The following SSBP2 variants were observed in gnomAD, a reference collection of about 807,000 sequenced individuals.
The protein encoded by SSBP2 is single stranded DNA binding protein 2, also known as single-stranded DNA-binding protein 2.
In SSBP2, 17 loss-of-function variants were observed where a neutral mutation model predicts 61.8. The ratio of observed to expected loss-of-function variants is 0.28; its 90% CI spans 0.19 to 0.41. The LOEUF (loss-of-function observed/expected upper bound fraction) is 0.41. Among genes scored for constraint, SSBP2 ranks in the 10% least tolerant of loss-of-function variants. The pLI is 1.00. For missense variants in SSBP2, 310 were observed against 458.7 expected, an observed-to-expected ratio of 0.68 and a Z score of 2.96; for synonymous variants, 139 against 141.3, an observed-to-expected ratio of 0.98 and a Z score of 0.12.
intron 8 of SSBP2, among the ~76,000 whole-genome samples, chr5:81,470,852 C>A (rs1288201357): frequency 6.6e-6 from 1 of 151,826 alleles, no homozygotes; most frequent in African/African-American, 2.4e-5. Flanking sequence ...TAACCATTAT[C>A]ACAAATTTCA....
At chr5:81,539,591 T>A (rs1166158173) in intron 4 of SSBP2, among the ~76,000 whole-genome samples, 1 of 152,122 alleles carries the variant, frequency 6.6e-6, no homozygotes, top group Non-Finnish European at 1.5e-5. Flanking sequence ...GCAAACTTCA[T>A]TGTTGTCTTA....
At chr5:81,576,483 A>T (rs1210285309) in intron 4 of SSBP2, among the ~76,000 whole-genome samples, 1 of 152,078 alleles carries the variant, frequency 6.6e-6, no homozygotes, top group Non-Finnish European at 1.5e-5. Flanking sequence ...ACCAAAGCAC[A>T]GAGAGGTTCA....
At chr5:81,650,855 G>A (rs979693355) in intron 1 of SSBP2, among the ~76,000 whole-genome samples, 4 of 152,036 alleles carry the variant, frequency 2.6e-5, no homozygotes, top group African/African-American at 9.7e-5. Context: ...AGATTTGATT[G>A]TTAAGCCAAT....
intron 1 of SSBP2, among the ~76,000 whole-genome samples, chr5:81,689,422 A>G (rs992562591): frequency 6.6e-6 from 1 of 152,140 alleles, no homozygotes; most frequent in Admixed American, 6.5e-5. Context: ...AAGGCATCTA[A>G]TAATCAATTC....
intron 4 of SSBP2, among the ~76,000 whole-genome samples, chr5:81,600,149 A>G (rs964052749): frequency 1.3e-4 from 20 of 152,224 alleles, no homozygotes; most frequent in Non-Finnish European, 5.9e-5. Context: ...TGTAGATTAA[A>G]TGCTAGAAAT....
At chr5:81,545,198 T>C (rs532929478) in intron 4 of SSBP2, among the ~76,000 whole-genome samples, 2 of 152,346 alleles carry the variant, frequency 1.3e-5, no homozygotes, top group East Asian at 3.9e-4. Context: ...GACATAACTA[T>C]ATATGTATGC....
intron 4 of SSBP2, among the ~76,000 whole-genome samples, chr5:81,614,220 C>T (rs904045047): frequency 6.6e-6 from 1 of 152,024 alleles, no homozygotes; most frequent in Non-Finnish European, 1.5e-5. Flanking sequence ...ATTAGCTGGG[C>T]GTGTTGGCGG....
Position 81,470,339 on chromosome 5 carries a change from T to C in SSBP2, c.571-3298A>G, listed in dbSNP as rs186511611. Among the ~76,000 whole-genome samples, 456 of 151,930 alleles carry C rather than the reference T, an allele frequency of 3.0e-3. 1 individual carries two copies. Among genetic ancestry groups the C allele is most frequent in the African/African-American group, 9.5e-3 (395 of 41,518 alleles). Reference sequence around the variant, plus strand: ...AAGATATTTTTCTTGATTAAATAGGTAGTTTTGTTTTTTTATTGAAAGGAT... The same window carrying C: ...AAGATATTTTTCTTGATTAAATAGGCAGTTTTGTTTTTTTATTGAAAGGAT... On this transcript the variant is annotated intron_variant, in intron 8 of 16. Transcript: ENST00000320672.
chr5:81,682,563 C>T (rs998182070), intron 1 of SSBP2, among the ~76,000 whole-genome samples: 3 of 152,100 alleles, frequency 2.0e-5, no homozygotes, highest in African/African-American at 7.2e-5. Context: ...CTACAGATAA[C>T]ATATTTAACG....
chr5:81,719,665 T>G (rs1755414934), intron 1 of SSBP2, among the ~76,000 whole-genome samples: 1 of 152,078 alleles, frequency 6.6e-6, no homozygotes, highest in Non-Finnish European at 1.5e-5. Context: ...CTCGCAGTTC[T>G]AGGAGGAGGA....
intron 12 of SSBP2, 132 bp downstream of exon 12, chr5:81,446,736 A>T: frequency 1.2e-6 from 1 of 803,176 alleles, no homozygotes; most frequent in Non-Finnish European, 1.9e-6. Flanking sequence ...ATTTCTTCCT[A>T]CCATGCTGCC....
At position 81,746,235 on chromosome 5, in the gene SSBP2, G is replaced by A. The variant is rs546586146; in HGVS notation, c.62+4746C>T. 3.3e-5 allele frequency among the ~76,000 whole-genome samples: 5 copies of A among 151,950 alleles called. No individual in the cohort carries two copies. The South Asian group carries it at 1.0e-3, about 31-fold the overall frequency. On this transcript the variant is annotated intron_variant, in intron 1 of 16. Coordinates refer to ENST00000320672, the MANE Select transcript of SSBP2 (RefSeq NM_012446.5). ...AAATAGGGGTTTTTTTGATACTTCT[G>A]AAATAACAGAAAAAGATCAATCAAA...
intron 4 of SSBP2, among the ~76,000 whole-genome samples, chr5:81,592,093 AG>A (rs1201822739): frequency 6.6e-6 from 1 of 152,220 alleles, no homozygotes; most frequent in Non-Finnish European, 1.5e-5. Flanking sequence ...AGTCAAAGAA[AG>A]GGGTGACAGA....
chr5:81,480,237 G>A (rs757821217), intron 6 of SSBP2, among the ~76,000 whole-genome samples: 4 of 152,116 alleles, frequency 2.6e-5, no homozygotes, highest in Non-Finnish European at 5.9e-5. Context: ...GGCAAGACTC[G>A]CTATGCACTT....
At chr5:81,602,558 A>G (rs1744468884) in intron 4 of SSBP2, among the ~76,000 whole-genome samples, 1 of 152,154 alleles carries the variant, frequency 6.6e-6, no homozygotes, top group African/African-American at 2.4e-5. Flanking sequence ...AGGACTTAAC[A>G]AAGGTTTTAT....
At chr5:81,515,132 A>G (rs1246760651) in intron 4 of SSBP2, among the ~76,000 whole-genome samples, 1 of 152,010 alleles carries the variant, frequency 6.6e-6, no homozygotes, top group Admixed American at 6.6e-5. Flanking sequence ...TTTCATTTTA[A>G]CTAAACTTGC....
intron 4 of SSBP2, among the ~76,000 whole-genome samples, chr5:81,523,745 T>C (rs1264188676): frequency 6.6e-6 from 1 of 152,070 alleles, no homozygotes; most frequent in Non-Finnish European, 1.5e-5. Flanking sequence ...GGTCAAACTC[T>C]AGGTGTATAT....
intron 1 of SSBP2, among the ~76,000 whole-genome samples, chr5:81,680,681 G>A (rs1459652869): frequency 1.3e-5 from 2 of 152,178 alleles, no homozygotes; most frequent in Non-Finnish European, 2.9e-5. Context: ...GGGACATTAT[G>A]TAATGGTAAA....
chr5:81,446,957 G>C, intron 11 of SSBP2, 35 bp from the exon 12 acceptor site: 1 of 1,508,562 alleles, frequency 6.6e-7, no homozygotes, highest in Non-Finnish European at 9.0e-7. Flanking sequence ...TAAAAATAAG[G>C]CATTGCATAA....
Sources: gnomAD v4.1 joint callset for allele counts (sites outside exome capture counted in the v4.1 genomes callset) on GRCh38, gnomAD v4.1.1 for gene constraint, MANE v1.5 for transcripts, NCBI Gene and HGNC (gene_info 2026-07-23, HGNC 2026-07-21) for gene names.